The following NEDD4 variants were observed in gnomAD, a reference collection of about 807,000 sequenced individuals.
The protein encoded by NEDD4 is NEDD4 E3 ubiquitin protein ligase.
A neutral mutation model predicts 144.9 loss-of-function variants in NEDD4; 99 were observed. The ratio of observed to expected loss-of-function variants is 0.68; its 90% CI spans 0.58 to 0.81. The LOEUF is 0.81. NEDD4 is among the 30% of genes least tolerant of loss of function. The probability of loss-of-function intolerance (pLI) is 0.00; values close to 1 mark genes in which losing one functional copy is unlikely to be tolerated. For missense variants in NEDD4, 985 were observed against 1,065.9 expected (o/e 0.92, Z 1.06); for synonymous variants, 318 against 350.6 (o/e 0.91, Z 1.04).
chr15:55,875,097 A>G (rs1025094249), intron 5 of NEDD4, among the ~76,000 whole-genome samples: 1 of 146,936 alleles, frequency 6.8e-6, no homozygotes, highest in Non-Finnish European at 1.5e-5. Context: ...GCAAAGAAAT[A>G]AAAAAAAAAA....
At position 55,857,494 on chromosome 15, in the gene NEDD4, A is replaced by G. The variant is rs566872503; in HGVS notation, c.961-1298T>C. ...CAGACACACGCCACTGCACTCGGCT[A>G]ATTTTTGTATTAGAGACGGGGTTTC... On this transcript the variant is annotated intron_variant, in intron 11 of 28. Coordinates refer to ENST00000435532, the MANE Select transcript of NEDD4 (RefSeq NM_006154.4). Among the ~76,000 whole-genome samples the G allele has an allele frequency of 2.0e-5, 3 of 152,126 alleles. No homozygotes were observed. The South Asian group carries it at 6.2e-4, about 32-fold the overall frequency.
intron 1 of NEDD4, among the ~76,000 whole-genome samples, chr15:55,988,759 T>C (rs1393529227): frequency 6.6e-6 from 1 of 152,098 alleles, no homozygotes; most frequent in Non-Finnish European, 1.5e-5. Context: ...ACTAGAGTAT[T>C]TAAAGATGAT....
rs566774337 is a variant in NEDD4 at position 55,939,594 on chromosome 15, G to GT, written c.237+11781dup. 2.3e-3 allele frequency among the ~76,000 whole-genome samples: 349 copies of GT among 152,270 alleles called. 2 individuals carry two copies. Among genetic ancestry groups the GT allele is most frequent in the Non-Finnish European group, 3.5e-3 (241 of 68,012 alleles). On this transcript the variant is annotated intron_variant, in intron 4 of 28. Transcript: ENST00000435532. Reference sequence around the variant, plus strand: ...AACAAACAAATGGCCCACTCTTTATGTAAAAAGGTGCTCAAAAATCACTAA... The same window carrying GT: ...AACAAACAAATGGCCCACTCTTTATGTTAAAAAGGTGCTCAAAAATCACTAA...
In NEDD4 at chr15:55,840,507, G is replaced by A. The variant is rs745396767; in HGVS notation, c.1971C>T (p.Ile657=). Residue 657 remains isoleucine, a synonymous_variant, in exon 21 of 29, where the codon ATC becomes ATT. Coordinates refer to ENST00000435532, the MANE Select transcript of NEDD4 (RefSeq NM_006154.4). ...YHGKLLDGFF[I]RPFYKMMLHK... is the part of the protein sequence containing the mutation. ...GAAGCATCATCTTGTAAAATGGGCG[G>A]ATGAAAAAACCTTGCAAAAAACCAA... 13 of 1,613,818 alleles carry A rather than the reference G, an allele frequency of 8.1e-6. No homozygotes were observed. Among genetic ancestry groups the A allele is most frequent in the Non-Finnish European group, 8.5e-7 (1 of 1,179,966 alleles).
chr15:55,983,071 G>A (rs548493809), intron 1 of NEDD4, among the ~76,000 whole-genome samples: 9 of 152,130 alleles, frequency 5.9e-5, no homozygotes, highest in South Asian at 4.2e-4. Flanking sequence ...GCAGTGAACC[G>A]AGATTGCGCC....
intron 21 of NEDD4, 40 bp downstream of exon 21, chr15:55,840,407 A>G: frequency 6.5e-7 from 1 of 1,533,326 alleles, no homozygotes; most frequent in Non-Finnish European, 8.9e-7. Context: ...GCTGCTTGTT[A>G]AATTATACTT....
chr15:55,888,083 G>C (rs2035449269), intron 5 of NEDD4, among the ~76,000 whole-genome samples: 1 of 152,124 alleles, frequency 6.6e-6, no homozygotes, highest in Admixed American at 6.5e-5. Context: ...AACATGACAG[G>C]AATGCCACTT....
At chr15:55,957,986 T>A (rs1425156631) in intron 2 of NEDD4, among the ~76,000 whole-genome samples, 1 of 151,468 alleles carries the variant, frequency 6.6e-6, no homozygotes, top group Non-Finnish European at 1.5e-5. Flanking sequence ...GGGGAAGGGG[T>A]GAGGGATAGC....
intron 5 of NEDD4, among the ~76,000 whole-genome samples, chr15:55,921,652 G>A (rs2036571329): frequency 6.6e-6 from 1 of 152,008 alleles, no homozygotes. Flanking sequence ...TTTGATTAAT[G>A]TGTTATTTGT....
Position 55,828,524 on chromosome 15 carries a change from G to A in NEDD4, c.*1373C>T, listed in dbSNP as rs796808415. ...TTCCCTTTTGCCTTATTCTGCTTAC[G>A]CCTACTTTTGATTGTTTTACAAATT... is the stretch of plus-strand genomic sequence containing the variant. On this transcript the variant is annotated 3_prime_UTR_variant, in exon 29 of 29. Coordinates refer to ENST00000435532, the MANE Select transcript of NEDD4 (RefSeq NM_006154.4). 6.6e-5 allele frequency: 10 copies of A among 152,230 alleles called. No homozygotes were observed. The highest frequency in any genetic ancestry group is 2.1e-4 in the South Asian group (1 of 4,824). 9.4% of individuals were successfully genotyped at this position (152,230 alleles called of 1,614,324 possible).
At chr15:55,990,007 G>T (rs925957857) in intron 1 of NEDD4, among the ~76,000 whole-genome samples, 25 of 151,904 alleles carry the variant, frequency 1.6e-4, no homozygotes, top group African/African-American at 5.8e-4. Flanking sequence ...CCATGCAAGC[G>T]ATCTAGGTTG....
At chr15:55,938,049 G>C (rs1442779845) in intron 4 of NEDD4, among the ~76,000 whole-genome samples, 1 of 152,002 alleles carries the variant, frequency 6.6e-6, no homozygotes, top group African/African-American at 2.4e-5. Context: ...CATACACAAA[G>C]GGGAAAGGAC....
At chr15:55,836,034 T>C (rs998917858) in intron 24 of NEDD4, among the ~76,000 whole-genome samples, 1 of 152,134 alleles carries the variant, frequency 6.6e-6, no homozygotes, top group Non-Finnish European at 1.5e-5. Context: ...CCCAGCATAC[T>C]CAACTGCCTG....
chr15:55,888,419 G>A (rs1053770571), intron 5 of NEDD4, among the ~76,000 whole-genome samples: 8 of 151,956 alleles, frequency 5.3e-5, no homozygotes, highest in Non-Finnish European at 7.4e-5. Flanking sequence ...AACCAAAGAC[G>A]TGAAATATCT....
chr15:55,951,377 C>A lies in NEDD4; in HGVS notation c.236G>T (p.Arg79Ile). 1 of 939,334 alleles carries A rather than the reference C, an allele frequency of 1.1e-6. No individual in the cohort carries two copies. Among genetic ancestry groups the A allele is most frequent in the South Asian group, 1.7e-5 (1 of 59,062 alleles). 58.2% of individuals were successfully genotyped at this position (939,334 alleles called of 1,614,324 possible). A position where few individuals can be genotyped will look rare whatever the true frequency, so the allele number is the denominator to read the frequency against. The change falls in exon 4 of 29, where the codon AGA becomes ATA. Residue 79 changes from arginine to isoleucine, a missense_variant and splice_region_variant. Transcript: ENST00000435532. ...TAGTAAAATAAAATATATACTTACT[C>A]TGAATAATATTTCTTCATTCCACTT... ...NPKWNEEILF[R>I]VHPQQHRLLF...
chr15:55,904,482 C>G (rs2036021544), intron 5 of NEDD4, among the ~76,000 whole-genome samples: 1 of 151,842 alleles, frequency 6.6e-6, no homozygotes. Context: ...TTTCTGTTTT[C>G]AGTAGAGACG....
intron 5 of NEDD4, among the ~76,000 whole-genome samples, chr15:55,878,857 T>C (rs1322251188): frequency 6.6e-6 from 1 of 152,264 alleles, no homozygotes; most frequent in Non-Finnish European, 1.5e-5. Flanking sequence ...AGTTTCGCTC[T>C]TGTCGCCCAG....
chr15:55,866,137 C>A (rs1201316404), intron 8 of NEDD4, among the ~76,000 whole-genome samples: 2 of 151,992 alleles, frequency 1.3e-5, no homozygotes, highest in Non-Finnish European at 2.9e-5. Context: ...TGGTCTCAAA[C>A]TCCTGGGCTC....
At chr15:55,880,603 T>G (rs2035152690) in intron 5 of NEDD4, among the ~76,000 whole-genome samples, 1 of 152,162 alleles carries the variant, frequency 6.6e-6, no homozygotes, top group African/African-American at 2.4e-5. Context: ...GAGGATATAC[T>G]TCACCAAAAT....
Sources: allele counts gnomAD v4.1 joint callset (sites outside exome capture counted in the v4.1 genomes callset), GRCh38; gene constraint gnomAD v4.1.1; transcripts MANE v1.5; gene names NCBI Gene and HGNC (gene_info 2026-07-23, HGNC 2026-07-21).